CD2BP2: variants seen among roughly 807,000 people sequenced by gnomAD.
The protein encoded by CD2BP2 is CD2 antigen cytoplasmic tail-binding protein 2.
CD2BP2 carries 27 observed loss-of-function variants against 35.9 expected under a neutral mutation model. The ratio of observed to expected loss-of-function variants is 0.75; its 90% CI spans 0.55 to 1.04. The LOEUF (loss-of-function observed/expected upper bound fraction) is 1.04. Ranked by LOEUF, CD2BP2 falls within the 50% of genes least tolerant of loss-of-function variation. CD2BP2 has a pLI of 0.00. For missense variants in CD2BP2, 497 were observed against 444.3 expected, an observed-to-expected ratio of 1.12 and a Z score of -1.07; for synonymous variants, 213 against 173.5, an observed-to-expected ratio of 1.23 and a Z score of -1.79.
chr16:30,353,778 G>C lies in CD2BP2; in HGVS notation c.398C>G (p.Pro133Arg), dbSNP rs370483327. The change falls in exon 5 of 7, where the codon CCT becomes CGT. Residue 133 changes from proline to arginine, a missense_variant. By Grantham distance (103) the Pro-to-Arg change is moderately radical (BLOSUM62 -2). Coordinates refer to ENST00000305596, the MANE Select transcript of CD2BP2 (RefSeq NM_006110.3). ...CGAGTCTGAGGCCTGGCGCTGGCCAGGTGGCCGCTCCCGGATCTTCACCTG... is the reference window on the plus strand; with the variant it reads ...CGAGTCTGAGGCCTGGCGCTGGCCACGTGGCCGCTCCCGGATCTTCACCTG... ...IDWVKIRERP[P>R]GQRQASDSEE... is the part of the protein sequence containing the mutation. 3 of 1,603,410 alleles carry C rather than the reference G, an allele frequency of 1.9e-6. No individual in the cohort carries two copies. Among genetic ancestry groups the C allele is most frequent in the Non-Finnish European group, 8.5e-7 (1 of 1,174,766 alleles).
Position 30,353,952 on chromosome 16 carries a change from G to C in CD2BP2, c.324C>G (p.Phe108Leu), listed in dbSNP as rs762601522. ...EGHFDADGNYFLNRDAQIRDS... is the reference protein window; with the variant it reads ...EGHFDADGNYLLNRDAQIRDS... ...CTCGGATCTGAGCATCCCGGTTCAG[G>C]AAGTAGTTGCCATCGGCATCAAAGT... Residue 108 changes from phenylalanine (F) to leucine (L), a missense_variant, in exon 4 of 7, where the codon TTC becomes TTG. By Grantham distance (22) the Phe-to-Leu change is conservative (BLOSUM62 0). Transcript: ENST00000305596. The C allele has an allele frequency of 6.2e-7, 1 of 1,614,150 alleles. No homozygotes were observed. The highest frequency in any genetic ancestry group is 1.7e-5 in the Admixed American group (1 of 60,030).
At position 30,352,683 on chromosome 16, in the gene CD2BP2, G is replaced by C. The variant is rs1419726641; in HGVS notation, c.*302C>G. 1 of 422,954 alleles carries C rather than the reference G, an allele frequency of 2.4e-6. No homozygotes were observed. The highest frequency in any genetic ancestry group is 4.3e-6 in the Non-Finnish European group (1 of 229,914). The allele number at this position is 422,954 out of a possible 1,614,324, so 26.2% of individuals were successfully genotyped here. A position where few individuals can be genotyped will look rare whatever the true frequency, so the allele number is the denominator to read the frequency against. ...AGAGGAGCACAGAGCAGCGCAGTTG[G>C]GGGTGTTTACACGGCAAGCAGAGTC... is the stretch of plus-strand genomic sequence containing the variant. On this transcript the variant is annotated 3_prime_UTR_variant, in exon 7 of 7. Transcript: ENST00000305596.
chr16:30,353,332 C>T, intron 5 of CD2BP2, 36 bp downstream of exon 5: 1 of 1,613,130 alleles, frequency 6.2e-7, no homozygotes, highest in Non-Finnish European at 8.5e-7. Context: ...GTCTCACTTC[C>T]TACCCACTGC....
chr16:30,353,866 C>T, intron 4 of CD2BP2, 35 bp downstream of exon 4: 5 of 1,611,540 alleles, frequency 3.1e-6, no homozygotes, highest in Non-Finnish European at 4.2e-6. Flanking sequence ...ATCTGCCACT[C>T]CCAGGCCCCA....
rs778989762 is a variant in CD2BP2 at position 30,353,185 on chromosome 16, A to T, written c.911T>A (p.Met304Lys). ...AGGAGGGAGAAAGCAGCTCACCTGC[A>T]TCTGGGCGCTGGTGAAGGGCCCATA... ...ELYGPFTSAQ[M>K]QTWVSEGYFP... is the part of the protein sequence containing the mutation. Residue 304 changes from methionine to lysine, a missense_variant, in exon 6 of 7, where the codon ATG becomes AAG. Physicochemically the swap from Met to Lys is moderately conservative, Grantham distance 95 (BLOSUM62 -1). Transcript: ENST00000305596. 6.2e-7 allele frequency: 1 copy of T among 1,612,616 alleles called. No homozygotes were observed. The highest frequency in any genetic ancestry group is 8.5e-7 in the Non-Finnish European group (1 of 1,178,628).
At chr16:30,353,147 G>A (rs2049497485) in intron 6 of CD2BP2, 34 bp downstream of exon 6, 42 of 1,608,546 alleles carry the variant, frequency 2.6e-5, no homozygotes, top group Non-Finnish European at 3.4e-5. Context: ...GGGGGAAGCA[G>A]GGACAAGGCA....
Position 30,353,266 on chromosome 16 carries a change from C to A in CD2BP2, c.830G>T (p.Gly277Val). 6.2e-7 allele frequency: 1 copy of A among 1,614,188 alleles called. No individual in the cohort carries two copies. The change falls in exon 6 of 7, where the codon GGT becomes GTT. Residue 277 changes from glycine to valine, a missense_variant. Transcript: ENST00000305596. ...QRGEAESRGD[G>V]LVDVMWEYKW... ...ATATTCCCACATCACATCCACCAGACCATCTCCCCGCGACTCTGCTTCTAA... is the reference window on the plus strand; with the variant it reads ...ATATTCCCACATCACATCCACCAGAACATCTCCCCGCGACTCTGCTTCTAA...
chr16:30,353,500 C>A lies in CD2BP2; in HGVS notation c.676G>T (p.Ala226Ser). 17 of 1,614,212 alleles carry A rather than the reference C, an allele frequency of 1.1e-5. No individual in the cohort carries two copies. The highest frequency in any genetic ancestry group is 1.4e-5 in the Non-Finnish European group (17 of 1,180,036). The part of the protein sequence containing the change: ...GVYQETRERL[A>S]MRLKGLGCQT... Reference sequence around the variant, plus strand: ...CACCCCAAACCCTTCAGACGCATAGCCAACCGTTCCCTTGTTTCCTGGTAC... The same window carrying A: ...CACCCCAAACCCTTCAGACGCATAGACAACCGTTCCCTTGTTTCCTGGTAC... The change falls in exon 5 of 7, where the codon GCT becomes TCT. Residue 226 changes from alanine (A) to serine (S), a missense_variant. Ala to Ser is a moderately conservative substitution (Grantham distance 99). Coordinates refer to ENST00000305596, the MANE Select transcript of CD2BP2 (RefSeq NM_006110.3).
chr16:30,354,869 G>C, intron 1 of CD2BP2, 162 bp from the exon 2 acceptor site: 1 of 629,138 alleles, frequency 1.6e-6, no homozygotes, highest in Non-Finnish European at 2.9e-6. Flanking sequence ...AGGCCTCCAG[G>C]ACTTGGGTCT....
rs2049511046 is a variant in CD2BP2 at position 30,354,062 on chromosome 16, C to T, written c.218-4G>A. On this transcript the variant is annotated splice_region_variant and splice_polypyrimidine_tract_variant and intron_variant, in intron 3 of 6. Transcript: ENST00000305596. ...GGGAGTGTGGCTGCCTCCTGACCTGCACCAAAGACACAGGTGCCCTTTTCC... is the reference window on the plus strand; with the variant it reads ...GGGAGTGTGGCTGCCTCCTGACCTGTACCAAAGACACAGGTGCCCTTTTCC... 2 of 1,613,840 alleles carry T rather than the reference C, an allele frequency of 1.2e-6. No homozygotes were observed. The highest frequency in any genetic ancestry group is 1.1e-5 in the South Asian group (1 of 91,090).
intron 6 of CD2BP2, 36 bp from the exon 7 acceptor site, chr16:30,353,131 A>G (rs2151097133): frequency 1.2e-6 from 2 of 1,607,316 alleles, no homozygotes. Context: ...AACAACTGAC[A>G]GGAGTGGGGG....
Sources: allele counts gnomAD v4.1 joint callset, GRCh38; gene constraint gnomAD v4.1.1; transcripts MANE v1.5; gene names NCBI Gene and HGNC (gene_info 2026-07-23, HGNC 2026-07-21).